The following GLYCTK variants were observed in gnomAD, a reference collection of about 807,000 sequenced individuals.
The protein encoded by GLYCTK is HBeAg binding protein 4.
GLYCTK carries 22 observed loss-of-function variants against 24.8 expected under a neutral mutation model. That is an observed-to-expected ratio of 0.89 (90% confidence interval 0.63 to 1.27). GLYCTK has a LOEUF of 1.27. Ranked by LOEUF, GLYCTK falls within the 50% of genes most tolerant of loss-of-function variation. The probability of loss-of-function intolerance (pLI) is 0.00; values close to 1 mark genes in which losing one functional copy is unlikely to be tolerated. For synonymous variants in GLYCTK, 320 were observed against 297.2 expected (o/e 1.08, Z -0.79); for missense variants, 684 against 686.7 (o/e 1.00, Z 0.04).
In GLYCTK at chr3:52,294,019, A is replaced by G. The variant is rs1338311699; in HGVS notation, c.*893A>G. 2.4e-6 allele frequency: 1 copy of G among 425,336 alleles called. No individual in the cohort carries two copies. Among genetic ancestry groups the G allele is most frequent in the Non-Finnish European group, 4.8e-6 (1 of 208,654 alleles). 26.3% of individuals were successfully genotyped at this position (425,336 alleles called of 1,614,324 possible). A position where few individuals can be genotyped will look rare whatever the true frequency, so the allele number is the denominator to read the frequency against. The stretch of plus-strand genomic sequence containing the variant: ...AAGTCAGCCCTTCAGTGGGGGTCCC[A>G]GCACTGGGATGGTGGGTCCAGCCAG... On this transcript the variant is annotated 3_prime_UTR_variant, in exon 5 of 5. Coordinates refer to ENST00000436784, the MANE Select transcript of GLYCTK (RefSeq NM_145262.4).
chr3:52,291,426 T>C, intron 3 of GLYCTK: 1 of 580,450 alleles, frequency 1.7e-6, no homozygotes, highest in Non-Finnish European at 3.1e-6. Context: ...TCTGTACTAA[T>C]GTCACCTGGG....
In GLYCTK at chr3:52,290,378, C is replaced by T; in HGVS notation, c.36C>T (p.Ala12=). The change falls in exon 2 of 5, where the codon GCC becomes GCT. Residue 12 remains alanine (A), a synonymous_variant. Coordinates refer to ENST00000436784, the MANE Select transcript of GLYCTK (RefSeq NM_145262.4). ...CCCTGCAGGTCCTGCCCCGCTTGGC[C>T]CGAGCCCCCTTGCATCCACTCCTCT... The part of the protein sequence containing the change: ...AAALQVLPRL[A]RAPLHPLLWR... 2.5e-6 allele frequency: 4 copies of T among 1,602,836 alleles called. No individual in the cohort carries two copies. The highest frequency in any genetic ancestry group is 3.4e-6 in the Non-Finnish European group (4 of 1,179,648).
At position 52,294,053 on chromosome 3, in the gene GLYCTK, T is replaced by C. The variant is rs1205740511; in HGVS notation, c.*927T>C. 2.2e-6 allele frequency: 1 copy of C among 456,348 alleles called. No homozygotes were observed. Among genetic ancestry groups the C allele is most frequent in the Admixed American group, 2.3e-5 (1 of 43,038 alleles). The allele number at this position is 456,348 out of a possible 1,614,324, so 28.3% of individuals were successfully genotyped here. A position where few individuals can be genotyped will look rare whatever the true frequency, so the allele number is the denominator to read the frequency against. Reference sequence around the variant, plus strand: ...ATGGTGGGTCCAGCCAGTGATGAGGTCCAGTGACCCACACCTCTTCCTGTG... The same window carrying C: ...ATGGTGGGTCCAGCCAGTGATGAGGCCCAGTGACCCACACCTCTTCCTGTG... On this transcript the variant is annotated 3_prime_UTR_variant, in exon 5 of 5. Coordinates refer to ENST00000436784, the MANE Select transcript of GLYCTK (RefSeq NM_145262.4).
At position 52,295,047 on chromosome 3, in the gene GLYCTK, G is replaced by A. The variant is rs1345324537; in HGVS notation, c.*1921G>A. On this transcript the variant is annotated 3_prime_UTR_variant, in exon 5 of 5. Transcript: ENST00000436784. ...TGACCCCTTCCCTATACTTCTGTTTGTAGGGGCTGGGAGGCCAGGGCCCGG... is the reference window on the plus strand; with the variant it reads ...TGACCCCTTCCCTATACTTCTGTTTATAGGGGCTGGGAGGCCAGGGCCCGG... 6.6e-6 allele frequency: 3 copies of A among 453,884 alleles called. No individual in the cohort carries two copies. The highest frequency in any genetic ancestry group is 6.0e-5 in the African/African-American group (3 of 49,960). 28.1% of individuals were successfully genotyped at this position (453,884 alleles called of 1,614,324 possible). A position where few individuals can be genotyped will look rare whatever the true frequency, so the allele number is the denominator to read the frequency against.
rs755417656 is a variant in GLYCTK at position 52,291,099 on chromosome 3, G to A, written c.517G>A (p.Val173Met). The A allele has an allele frequency of 3.7e-6, 6 of 1,611,136 alleles. No homozygotes were observed. The highest frequency in any genetic ancestry group is 1.3e-5 in the African/African-American group (1 of 75,048). Residue 173 changes from valine to methionine, a missense_variant, in exon 3 of 5, where the codon GTG (valine) becomes ATG (methionine). Transcript: ENST00000436784. ...ACTCACAGCTGATGACCTGCTGCTC[G>A]TGCTGATCTCAGGTGTGGTACCACA... ...EGLTADDLLL[V>M]LISGGGSALL...
rs539332918 is a variant in GLYCTK, at chr3:52,292,442, T to C, written c.888T>C (p.His296=). The change falls in exon 5 of 5, where the codon CAT becomes CAC. Residue 296 remains histidine (H), a synonymous_variant. Coordinates refer to ENST00000436784, the MANE Select transcript of GLYCTK (RefSeq NM_145262.4). ...TGTCTCGGGCCGACTCTGACCCCCATGGGCCACACACCTGTGGCCATGTCC... is the reference window on the plus strand; with the variant it reads ...TGTCTCGGGCCGACTCTGACCCCCACGGGCCACACACCTGTGGCCATGTCC... ...TVLSRADSDP[H]GPHTCGHVLN... is the part of the protein sequence containing the mutation. 19 of 1,613,172 alleles carry C rather than the reference T, an allele frequency of 1.2e-5. No homozygotes were observed. The highest frequency in any genetic ancestry group is 3.3e-5 in the South Asian group (3 of 91,072).
In GLYCTK at chr3:52,294,681, G is replaced by A. The variant is rs1375823841; in HGVS notation, c.*1555G>A. 5 of 441,676 alleles carry A rather than the reference G, an allele frequency of 1.1e-5. No individual in the cohort carries two copies. The highest frequency in any genetic ancestry group is 1.4e-5 in the Non-Finnish European group (3 of 218,524). 27.4% of individuals were successfully genotyped at this position (441,676 alleles called of 1,614,324 possible). On this transcript the variant is annotated 3_prime_UTR_variant, in exon 5 of 5. Transcript: ENST00000436784. ...GGTGATCCTCGCATGATCCTGTGCC[G>A]TGGTGCTCCTCTGGCAGCGTCTACA...
At chr3:52,288,418 C>T (rs1200698956) in intron 1 of GLYCTK, among the ~76,000 whole-genome samples, 1 of 152,124 alleles carries the variant, frequency 6.6e-6, no homozygotes, top group African/African-American at 2.4e-5. Context: ...CCACGTTGGT[C>T]AGGCTGGTCT....
intron 2 of GLYCTK, 63 bp downstream of exon 2, chr3:52,290,782 A>G: frequency 1.3e-6 from 2 of 1,594,296 alleles, no homozygotes; most frequent in Non-Finnish European, 1.7e-6. Context: ...GCCCAGACAC[A>G]GGCTGAATCG....
chr3:52,291,674 C>A, intron 3 of GLYCTK, 73 bp from the exon 4 acceptor site: 1 of 1,436,144 alleles, frequency 7.0e-7, no homozygotes, highest in Non-Finnish European at 9.8e-7. Context: ...CTAATGTGGG[C>A]TTGTCACCCC....
In GLYCTK at chr3:52,293,303, C is replaced by T. The variant is rs1230934429; in HGVS notation, c.*177C>T. ...GCCTCTGCTCTATATCTATTCCCTT[C>T]CAGCCAGACTGGCAGATGGGGGCTT... On this transcript the variant is annotated 3_prime_UTR_variant, in exon 5 of 5. Transcript: ENST00000436784. 1.4e-6 allele frequency: 1 copy of T among 740,322 alleles called. No homozygotes were observed. Among genetic ancestry groups the T allele is most frequent in the African/African-American group, 1.7e-5 (1 of 57,954 alleles). 45.9% of individuals were successfully genotyped at this position (740,322 alleles called of 1,614,324 possible).
intron 1 of GLYCTK, among the ~76,000 whole-genome samples, chr3:52,289,901 G>A (rs764412506): frequency 2.6e-5 from 4 of 152,236 alleles, no homozygotes; most frequent in Admixed American, 6.5e-5. Flanking sequence ...AGAAAGGGGC[G>A]TTGCCCCAGG....
rs553976229 is a variant in GLYCTK, at chr3:52,291,118, T to C, written c.529+7T>C. 6.2e-7 allele frequency: 1 copy of C among 1,608,808 alleles called. No individual in the cohort carries two copies. The highest frequency in any genetic ancestry group is 1.7e-5 in the Admixed American group (1 of 60,004). On this transcript the variant is annotated splice_region_variant and intron_variant, in intron 3 of 4. Coordinates refer to ENST00000436784, the MANE Select transcript of GLYCTK (RefSeq NM_145262.4). ...CTGCTCGTGCTGATCTCAGGTGTGGTACCACATTGGCCCAAGACTGTTGGT... is the reference window on the plus strand; with the variant it reads ...CTGCTCGTGCTGATCTCAGGTGTGGCACCACATTGGCCCAAGACTGTTGGT...
intron 1 of GLYCTK, among the ~76,000 whole-genome samples, chr3:52,289,606 A>C (rs1439499582): frequency 6.6e-6 from 1 of 152,210 alleles, no homozygotes; most frequent in Non-Finnish European, 1.5e-5. Context: ...CTAAGGTTCC[A>C]CCATGAGCCA....
Position 52,292,395 on chromosome 3 carries a change from C to T in GLYCTK, c.841C>T (p.Pro281Ser), listed in dbSNP as rs772365140. ...LNRYGLRAAL[P>S]RSVKTVLSRA... ...TCGCTACGGCCTCCGTGCAGCCCTG[C>T]CACGTTCTGTGAAGACTGTGCTGTC... Residue 281 changes from proline to serine, a missense_variant, in exon 5 of 5, where the codon CCA (proline) becomes TCA (serine). Transcript: ENST00000436784. 1 of 1,613,916 alleles carries T rather than the reference C, an allele frequency of 6.2e-7. No homozygotes were observed.
chr3:52,288,843 C>T (rs963696607), intron 1 of GLYCTK: 5 of 152,118 alleles, frequency 3.3e-5, no homozygotes, highest in African/African-American at 1.2e-4. Flanking sequence ...CAAAACTGGA[C>T]CCATTTTCGG....
chr3:52,292,925 C>T lies in GLYCTK; in HGVS notation c.1371C>T (p.Pro457=). 1 of 1,614,064 alleles carries T rather than the reference C, an allele frequency of 6.2e-7. No individual in the cohort carries two copies. ...LSGGTDGQDG[P]TEAAGAWVTP... ...GTGGCACCGATGGGCAGGATGGGCCCACAGAGGCTGCTGGGGCCTGGGTCA... is the reference window on the plus strand; with the variant it reads ...GTGGCACCGATGGGCAGGATGGGCCTACAGAGGCTGCTGGGGCCTGGGTCA... Residue 457 remains proline (P), a synonymous_variant, in exon 5 of 5, where the codon CCC becomes CCT. Transcript: ENST00000436784.
At chr3:52,288,220 A>G (rs1700349331) in intron 1 of GLYCTK, among the ~76,000 whole-genome samples, 1 of 151,622 alleles carries the variant, frequency 6.6e-6, no homozygotes, top group Non-Finnish European at 1.5e-5. Context: ...GCGTCCAGTT[A>G]CATTTTTTTT....
At position 52,291,869 on chromosome 3, in the gene GLYCTK, G is replaced by C. The variant is rs1360916358; in HGVS notation, c.652G>C (p.Ala218Pro). 5 of 1,613,718 alleles carry C rather than the reference G, an allele frequency of 3.1e-6. No homozygotes were observed. The African/African-American group carries it at 5.3e-5, about 17-fold the overall frequency. Residue 218 changes from alanine (A) to proline (P), a missense_variant, in exon 4 of 5, where the codon GCC (alanine) becomes CCC (proline). Ala to Pro is a conservative substitution (Grantham distance 27). Transcript: ENST00000436784. The stretch of plus-strand genomic sequence containing the variant: ...CCAGGAGTTGAACACCATTCGGAAG[G>C]CCCTGTCCCAGCTCAAGGGTGGGGG... Reference protein sequence around the residue: ...TIQELNTIRKALSQLKGGGLA... With the variant: ...TIQELNTIRKPLSQLKGGGLA...
Sources: allele counts gnomAD v4.1 joint callset (sites outside exome capture counted in the v4.1 genomes callset), GRCh38; gene constraint gnomAD v4.1.1; transcripts MANE v1.5; gene names NCBI Gene and HGNC (gene_info 2026-07-23, HGNC 2026-07-21).